Variants in KIF5C observed in about 807,000 individuals in gnomAD.
KIF5C encodes the protein kinesin heavy chain isoform 5C.
In KIF5C, 18 loss-of-function variants were observed where a neutral mutation model predicts 125.2. The observed-to-expected ratio is 0.14, with a 90% CI of 0.10 to 0.21. The LOEUF is 0.21. Ranked by LOEUF, KIF5C falls within the 10% of genes least tolerant of loss-of-function variation. The pLI is 1.00. For synonymous variants in KIF5C, 405 were observed against 434.0 expected (o/e 0.93, Z 0.83); for missense variants, 780 against 1,183.8 (o/e 0.66, Z 5.01).
rs972055862 is a variant in KIF5C at position 149,026,240 on chromosome 2, A to G, written c.*3170A>G. ...GAATCTTGAGCAAGCTAAAGAAACC[A>G]TCATAATCTAAAATTGCTTCATTTA... On this transcript the variant is annotated 3_prime_UTR_variant, in exon 26 of 26. Coordinates refer to ENST00000435030, the MANE Select transcript of KIF5C (RefSeq NM_004522.3). The G allele has an allele frequency of 6.6e-6, 1 of 152,260 alleles. No individual in the cohort carries two copies. Among genetic ancestry groups the G allele is most frequent in the African/African-American group, 2.4e-5 (1 of 41,456 alleles). 9.4% of individuals were successfully genotyped at this position (152,260 alleles called of 1,614,324 possible).
intron 19 of KIF5C, 88 bp downstream of exon 19, chr2:148,998,597 G>A (rs1681747198): frequency 1.3e-6 from 2 of 1,529,396 alleles, no homozygotes; most frequent in Non-Finnish European, 1.8e-6. Context: ...TCTTAGTCGA[G>A]GGCCCTGCTC....
chr2:148,911,819 T>C (rs1464681392), intron 1 of KIF5C, among the ~76,000 whole-genome samples: 1 of 152,184 alleles, frequency 6.6e-6, no homozygotes, highest in Non-Finnish European at 1.5e-5. Flanking sequence ...TACCCTAGAT[T>C]GCTGGGCAAA....
At chr2:148,966,016 G>C (rs1238189247) in intron 11 of KIF5C, among the ~76,000 whole-genome samples, 4 of 152,190 alleles carry the variant, frequency 2.6e-5, no homozygotes, top group African/African-American at 9.7e-5. Flanking sequence ...GTGTAAACGT[G>C]AGAGCTGGGC....
intron 22 of KIF5C, among the ~76,000 whole-genome samples, chr2:149,005,758 A>AC (rs1259798394): frequency 6.6e-6 from 1 of 152,206 alleles, no homozygotes. Context: ...ACTGCTCTTG[A>AC]CACAGAAACA....
At chr2:148,935,487 G>A (rs1313327784) in intron 3 of KIF5C, among the ~76,000 whole-genome samples, 3 of 152,172 alleles carry the variant, frequency 2.0e-5, no homozygotes, top group African/African-American at 7.2e-5. Flanking sequence ...CTCACCATAG[G>A]TATTGTTTCT....
intron 20 of KIF5C, 29 bp from the exon 21 acceptor site, chr2:149,000,693 G>A (rs1681821020): frequency 6.2e-7 from 1 of 1,612,370 alleles, no homozygotes; most frequent in East Asian, 2.2e-5. Flanking sequence ...GTCCCCTGTG[G>A]TGGTCTATGG....
intron 2 of KIF5C, among the ~76,000 whole-genome samples, chr2:148,925,052 C>T (rs1483447248): frequency 3.9e-5 from 6 of 152,020 alleles, no homozygotes; most frequent in African/African-American, 7.2e-5. Context: ...CAAAATGCCA[C>T]GGGAACACAG....
chr2:148,966,314 C>G (rs1039153194), intron 11 of KIF5C, among the ~76,000 whole-genome samples: 4 of 151,738 alleles, frequency 2.6e-5, no homozygotes, highest in African/African-American at 9.7e-5. Context: ...TGCTGGAGAG[C>G]AAGGAAGGGG....
At chr2:148,886,697 G>GT (rs1681538553) in intron 1 of KIF5C, among the ~76,000 whole-genome samples, 1 of 152,170 alleles carries the variant, frequency 6.6e-6, no homozygotes, top group Non-Finnish European at 1.5e-5. Flanking sequence ...TATGATATTT[G>GT]TTGTAAAGTA....
chr2:149,010,185 G>A lies in KIF5C; in HGVS notation c.2601G>A (p.Lys867=), dbSNP rs1682142340. ...GCTGTGAACTGCCCAAGCTGGAGAAGCGGCTGCGTGCCACGGCGGAGCGCG... is the reference window on the plus strand; with the variant it reads ...GCTGTGAACTGCCCAAGCTGGAGAAACGGCTGCGTGCCACGGCGGAGCGCG... The part of the protein sequence containing the change: ...DLRCELPKLE[K]RLRATAERVK... Residue 867 remains lysine, a synonymous_variant, in exon 24 of 26, where the codon AAG becomes AAA. Transcript: ENST00000435030. 1 of 1,554,086 alleles carries A rather than the reference G, an allele frequency of 6.4e-7. No individual in the cohort carries two copies. Among genetic ancestry groups the A allele is most frequent in the Non-Finnish European group, 8.7e-7 (1 of 1,148,712 alleles).
intron 3 of KIF5C, among the ~76,000 whole-genome samples, chr2:148,934,164 C>G (rs1042158214): frequency 3.3e-5 from 5 of 150,968 alleles, no homozygotes; most frequent in Non-Finnish European, 7.4e-5. Flanking sequence ...ATATACACAT[C>G]ACACACATAT....
At chr2:148,969,729 C>T (rs1558923978) in intron 11 of KIF5C, among the ~76,000 whole-genome samples, 1 of 152,108 alleles carries the variant, frequency 6.6e-6, no homozygotes, top group Non-Finnish European at 1.5e-5. Context: ...GGGGCTTCTC[C>T]AGAGAATTGG....
At chr2:148,970,252 A>G (rs1327711387) in intron 11 of KIF5C, among the ~76,000 whole-genome samples, 7 of 152,240 alleles carry the variant, frequency 4.6e-5, no homozygotes. Flanking sequence ...CTCCAGCCAT[A>G]AAATTATCGT....
At chr2:148,965,171 G>A (rs1035090910) in intron 11 of KIF5C, among the ~76,000 whole-genome samples, 5 of 152,044 alleles carry the variant, frequency 3.3e-5, no homozygotes, top group Non-Finnish European at 2.9e-5. Flanking sequence ...TAGGGTCCCC[G>A]TGGAACATCC....
rs569816920 is a variant in KIF5C, at chr2:148,994,360, T to G, written c.1906-61T>G. 194 of 1,529,924 alleles carry G rather than the reference T, an allele frequency of 1.3e-4. 1 individual carries two copies. The South Asian group carries it at 2.0e-3, about 16-fold the overall frequency. The allele number at this position is 1,529,924 out of a possible 1,614,324, so 94.8% of individuals were successfully genotyped here. A position where few individuals can be genotyped will look rare whatever the true frequency, so the allele number is the denominator to read the frequency against. On this transcript the variant is annotated intron_variant, in intron 16 of 25. Transcript: ENST00000435030. ...CTCTCGCATTTTCCTACCAGACAAT[T>G]CCAGGCCAGCCTGGATGACCACTTG...
chr2:148,997,561 G>A (rs868796944), intron 18 of KIF5C: 57 of 739,982 alleles, frequency 7.7e-5, no homozygotes, highest in Middle Eastern at 7.8e-4. Flanking sequence ...GTTAAGTTGC[G>A]TTAATACCTT....
chr2:148,910,259 A>G (rs913792454), intron 1 of KIF5C, among the ~76,000 whole-genome samples: 1 of 152,238 alleles, frequency 6.6e-6, no homozygotes, highest in African/African-American at 2.4e-5. Flanking sequence ...CAATTTGTAA[A>G]GTAATTTTAT....
intron 12 of KIF5C, among the ~76,000 whole-genome samples, chr2:148,978,351 T>TG (rs1681136848): frequency 6.7e-6 from 1 of 148,596 alleles, no homozygotes; most frequent in Non-Finnish European, 1.5e-5. Flanking sequence ...TTTTTTTTTT[T>TG]TTTTTTTTTT....
chr2:148,917,186 T>A (rs570680272), intron 1 of KIF5C, among the ~76,000 whole-genome samples: 1 of 152,340 alleles, frequency 6.6e-6, no homozygotes, highest in South Asian at 2.1e-4. Flanking sequence ...ATCTTCAGTT[T>A]TTCTTTCCTC....
Sources: allele counts gnomAD v4.1 joint callset (sites outside exome capture counted in the v4.1 genomes callset), GRCh38; gene constraint gnomAD v4.1.1; transcripts MANE v1.5; gene names NCBI Gene and HGNC (gene_info 2026-07-23, HGNC 2026-07-21).